Variants in ATXN7L1 observed in about 807,000 individuals in gnomAD.
ATXN7L1 encodes the protein ataxin 7 like 1.
Under a neutral mutation model 70.8 loss-of-function variants are expected in ATXN7L1, and 15 were observed. The observed-to-expected ratio is 0.21, with a 90% CI of 0.14 to 0.33. ATXN7L1 has a LOEUF of 0.33. Among genes scored for constraint, ATXN7L1 ranks in the 10% least tolerant of loss-of-function variants. ATXN7L1 has a pLI of 1.00. For synonymous variants in ATXN7L1, 440 were observed against 445.1 expected, an observed-to-expected ratio of 0.99 and a Z score of 0.14; for missense variants, 975 against 1,097.1, an observed-to-expected ratio of 0.89 and a Z score of 1.57.
chr7:105,753,400 G>A (rs1445291104), intron 3 of ATXN7L1, among the ~76,000 whole-genome samples: 4 of 152,168 alleles, frequency 2.6e-5, no homozygotes, highest in Non-Finnish European at 5.9e-5. Flanking sequence ...CCAAAAGCAC[G>A]GACATTCTGT....
intron 2 of ATXN7L1, among the ~76,000 whole-genome samples, chr7:105,862,959 A>G (rs1015322987): frequency 1.3e-5 from 2 of 152,242 alleles, no homozygotes; most frequent in South Asian, 2.1e-4. Context: ...CTGTGGCTGA[A>G]GAAGGTAAAG....
intron 5 of ATXN7L1, 82 bp from the exon 6 acceptor site, chr7:105,639,651 T>G: frequency 1.1e-6 from 1 of 934,780 alleles, no homozygotes. Flanking sequence ...TTTTAAAAAA[T>G]GCACATTTGC....
At chr7:105,784,489 T>C (rs1374811937) in intron 3 of ATXN7L1, among the ~76,000 whole-genome samples, 1 of 151,694 alleles carries the variant, frequency 6.6e-6, no homozygotes, top group Non-Finnish European at 1.5e-5. Flanking sequence ...ATGACTAGTA[T>C]ACCAAGATCT....
chr7:105,821,741 G>A (rs747050905), intron 2 of ATXN7L1, among the ~76,000 whole-genome samples: 7 of 152,254 alleles, frequency 4.6e-5, no homozygotes, highest in Non-Finnish European at 5.9e-5. Context: ...AATGGAAACA[G>A]TGAGGATTAA....
chr7:105,693,745 G>A (rs1199528768), intron 3 of ATXN7L1, among the ~76,000 whole-genome samples: 1 of 152,154 alleles, frequency 6.6e-6, no homozygotes, highest in Non-Finnish European at 1.5e-5. Flanking sequence ...GGGGCCACCA[G>A]CGCCATGGTG....
intron 2 of ATXN7L1, among the ~76,000 whole-genome samples, chr7:105,795,730 A>G (rs1805893791): frequency 6.6e-6 from 1 of 152,226 alleles, no homozygotes; most frequent in African/African-American, 2.4e-5. Flanking sequence ...AATCAGTGAT[A>G]TCTACGCTCA....
chr7:105,670,211 T>A (rs1584638534), intron 3 of ATXN7L1, among the ~76,000 whole-genome samples: 1 of 152,184 alleles, frequency 6.6e-6, no homozygotes, highest in African/African-American at 2.4e-5. Context: ...GCTGTGCAGG[T>A]GAGGTTTCTC....
At chr7:105,816,816 G>A (rs1167238994) in intron 2 of ATXN7L1, among the ~76,000 whole-genome samples, 3 of 152,256 alleles carry the variant, frequency 2.0e-5, no homozygotes, top group Non-Finnish European at 4.4e-5. Context: ...AGGGAGCACG[G>A]TGAGATGCAG....
intron 4 of ATXN7L1, among the ~76,000 whole-genome samples, chr7:105,656,830 C>T (rs903896682): frequency 5.9e-5 from 9 of 152,200 alleles, no homozygotes; most frequent in African/African-American, 1.4e-4. Flanking sequence ...CTCGGCCTCC[C>T]GTGTTGGAAT....
intron 2 of ATXN7L1, among the ~76,000 whole-genome samples, chr7:105,854,088 G>C (rs1815323279): frequency 6.6e-6 from 1 of 152,160 alleles, no homozygotes; most frequent in African/African-American, 2.4e-5. Flanking sequence ...TCTGCAGGCA[G>C]GCAGTTTTCC....
At chr7:105,664,702 G>A (rs529938387) in intron 4 of ATXN7L1, among the ~76,000 whole-genome samples, 16 of 151,570 alleles carry the variant, frequency 1.1e-4, no homozygotes, top group South Asian at 4.2e-4. Context: ...GAGTAGCTGG[G>A]ATTACAGGTG....
intron 3 of ATXN7L1, among the ~76,000 whole-genome samples, chr7:105,787,750 AC>A (rs2116479078): frequency 6.6e-6 from 1 of 152,366 alleles, no homozygotes; most frequent in South Asian, 2.1e-4. Context: ...AATAGAATGT[AC>A]TTCGAAACCT....
At chr7:105,719,222 C>T (rs552196325) in intron 3 of ATXN7L1, among the ~76,000 whole-genome samples, 2 of 152,096 alleles carry the variant, frequency 1.3e-5, no homozygotes, top group South Asian at 2.1e-4. Flanking sequence ...CGCCCATCCC[C>T]CTTCTTCTCT....
intron 8 of ATXN7L1, among the ~76,000 whole-genome samples, chr7:105,623,740 G>T (rs1209390897): frequency 2.0e-5 from 3 of 152,220 alleles, no homozygotes; most frequent in Non-Finnish European, 4.4e-5. Context: ...AGGCCAGAGG[G>T]TCAGCTCCTG....
chr7:105,683,103 G>C (rs561776267), intron 3 of ATXN7L1, among the ~76,000 whole-genome samples: 1 of 152,264 alleles, frequency 6.6e-6, no homozygotes, highest in East Asian at 1.9e-4. Flanking sequence ...CAGCCAGCAG[G>C]ATACAGCAAA....
chr7:105,760,193 C>A lies in ATXN7L1; in HGVS notation c.355+28411G>T, dbSNP rs903864095. On this transcript the variant is annotated intron_variant, in intron 3 of 11. Coordinates refer to ENST00000419735, the MANE Select transcript of ATXN7L1 (RefSeq NM_020725.2). Reference sequence around the variant, plus strand: ...TCTGTCCATCTATCCAACCATCCACCCATCCAATAGATGTTTAATGACCCA... The same window carrying A: ...TCTGTCCATCTATCCAACCATCCACACATCCAATAGATGTTTAATGACCCA... 4 of 984,214 alleles carry A rather than the reference C, an allele frequency of 4.1e-6. 1 individual carries two copies. The African/African-American group carries it at 5.2e-5, about 13-fold the overall frequency. 61.0% of individuals were successfully genotyped at this position (984,214 alleles called of 1,614,324 possible).
chr7:105,670,094 C>T (rs546642460), intron 3 of ATXN7L1, among the ~76,000 whole-genome samples: 1 of 152,228 alleles, frequency 6.6e-6, no homozygotes, highest in African/African-American at 2.4e-5. Flanking sequence ...TTTCTCTAGT[C>T]TATGAAGACC....
At chr7:105,653,897 C>A (rs373884600) in intron 4 of ATXN7L1, among the ~76,000 whole-genome samples, 9 of 152,170 alleles carry the variant, frequency 5.9e-5, no homozygotes, top group African/African-American at 9.7e-5. Flanking sequence ...AACACTCCCC[C>A]ATCTGTCCAG....
intron 3 of ATXN7L1, among the ~76,000 whole-genome samples, chr7:105,786,085 T>C (rs1478736531): frequency 6.6e-6 from 1 of 152,194 alleles, no homozygotes; most frequent in East Asian, 1.9e-4. Flanking sequence ...TGTAAGTTTG[T>C]ATTTGTACTA....
Sources: gnomAD v4.1 joint callset for allele counts (sites outside exome capture counted in the v4.1 genomes callset) on GRCh38, gnomAD v4.1.1 for gene constraint, MANE v1.5 for transcripts, NCBI Gene and HGNC (gene_info 2026-07-23, HGNC 2026-07-21) for gene names.